The following UFSP2 variants were observed in gnomAD, a reference collection of about 807,000 sequenced individuals.
UFSP2 encodes ufm1-specific protease 2.
A neutral mutation model predicts 60.2 loss-of-function variants in UFSP2; 43 were observed. The ratio of observed to expected loss-of-function variants is 0.71; its 90% CI spans 0.56 to 0.92. The LOEUF (loss-of-function observed/expected upper bound fraction) is 0.92. Among genes scored for constraint, UFSP2 ranks in the 40% least tolerant of loss-of-function variants. The pLI, the probability that UFSP2 is intolerant of heterozygous loss-of-function variation, is 0.00. For missense variants in UFSP2, 520 were observed against 575.0 expected (o/e 0.90, Z 0.98); for synonymous variants, 183 against 195.1 (o/e 0.94, Z 0.52).
At chr4:185,404,915 C>T (rs1257700452) in intron 10 of UFSP2, among the ~76,000 whole-genome samples, 1 of 151,834 alleles carries the variant, frequency 6.6e-6, no homozygotes, top group East Asian at 1.9e-4. Context: ...TAAGCTCATA[C>T]AATCAGGAGT....
intron 2 of UFSP2, among the ~76,000 whole-genome samples, chr4:185,419,274 GGTGCCCGCCACCAC>G (rs1254955569): frequency 1.3e-5 from 2 of 152,148 alleles, no homozygotes; most frequent in Admixed American, 1.3e-4. Context: ...TGGGACTACA[GGTGCCCGCCACCAC>G]ACCTGGCTAA....
intron 1 of UFSP2, among the ~76,000 whole-genome samples, chr4:185,424,067 G>A (rs2095554427): frequency 6.6e-6 from 1 of 151,690 alleles, no homozygotes; most frequent in Non-Finnish European, 1.5e-5. Flanking sequence ...TTGGGAGGCA[G>A]AGGCAGGAGG....
intron 4 of UFSP2, 48 bp downstream of exon 4, chr4:185,418,393 C>CA (rs2095543125): frequency 6.9e-7 from 1 of 1,439,778 alleles, no homozygotes; most frequent in Non-Finnish European, 9.6e-7. Flanking sequence ...GTTCCAAATC[C>CA]AAAGATTTAA....
intron 8 of UFSP2, 64 bp downstream of exon 8, chr4:185,408,207 A>C: frequency 7.6e-6 from 12 of 1,568,904 alleles, no homozygotes; most frequent in Non-Finnish European, 1.0e-5. Flanking sequence ...AAAAATTATC[A>C]ATGGTATATT....
chr4:185,406,448 A>AT (rs1247751879), intron 9 of UFSP2, among the ~76,000 whole-genome samples: 4 of 152,138 alleles, frequency 2.6e-5, no homozygotes, highest in East Asian at 1.9e-4. Flanking sequence ...GAAGGGAGGT[A>AT]TTTTTTGGGG....
chr4:185,406,079 C>T (rs11941135), intron 9 of UFSP2: 3 of 908,802 alleles, frequency 3.3e-6, no homozygotes, highest in Admixed American at 2.4e-5. Context: ...CTAGATAAGA[C>T]GCTAAAAGAC....
At chr4:185,412,096 C>G (rs1433275144) in intron 7 of UFSP2, among the ~76,000 whole-genome samples, 1 of 151,036 alleles carries the variant, frequency 6.6e-6, no homozygotes, top group Admixed American at 6.6e-5. Flanking sequence ...TAGGGAGGAG[C>G]TCCCTGGTAT....
At chr4:185,408,133 C>G in intron 8 of UFSP2, 73 bp from the exon 9 acceptor site, 2 of 1,562,202 alleles carry the variant, frequency 1.3e-6, no homozygotes, top group Non-Finnish European at 1.8e-6. Context: ...GGCATTTTCC[C>G]TGATTACCAG....
At chr4:185,404,440 C>T (rs541594033) in intron 10 of UFSP2, among the ~76,000 whole-genome samples, 16 of 151,594 alleles carry the variant, frequency 1.1e-4, no homozygotes, top group South Asian at 2.1e-4. Flanking sequence ...AGACTACAGG[C>T]GCACACCAGC....
At chr4:185,407,664 ATTT>A (rs900008550) in intron 9 of UFSP2, among the ~76,000 whole-genome samples, 1 of 152,134 alleles carries the variant, frequency 6.6e-6, no homozygotes, top group African/African-American at 2.4e-5. Context: ...ACGTTAATAT[ATTT>A]TTAAGTTTTC....
intron 7 of UFSP2, among the ~76,000 whole-genome samples, chr4:185,410,066 A>G (rs1438656773): frequency 6.6e-6 from 1 of 152,230 alleles, no homozygotes; most frequent in East Asian, 1.9e-4. Flanking sequence ...GGGAACAAAT[A>G]CAAGTTTCAA....
In UFSP2 at chr4:185,425,878, G is replaced by A. The variant is rs749113270; in HGVS notation, c.-10C>T. ...CAGAGATACTCACCATGTCCGCGAC[G>A]TGGCGGTGACACGGGCGCTGACGCC... is the stretch of plus-strand genomic sequence containing the variant. On this transcript the variant is annotated 5_prime_UTR_variant, in exon 1 of 12. It adds an upstream start codon to the 5' untranslated region. Transcript: ENST00000264689. The A allele has an allele frequency of 4.4e-6, 7 of 1,602,200 alleles. No homozygotes were observed. In the African/African-American group the frequency reaches 8.0e-5, roughly 18 times the overall value.
Position 185,415,248 on chromosome 4 carries a change from T to C in UFSP2, c.591A>G (p.Glu197=). The change falls in exon 6 of 12, where the codon GAA becomes GAG. Residue 197 remains glutamate, a synonymous_variant. Transcript: ENST00000264689. ...YMKGTSIVVP[E]PLHFLLPGKK... ...TCCCTGGTAATAAAAAGTGCAGTGG[T>C]TCAGGGACCACAATAGATGTTCCTT... 1 of 1,604,942 alleles carries C rather than the reference T, an allele frequency of 6.2e-7. No homozygotes were observed.
chr4:185,422,674 C>A, intron 1 of UFSP2, 111 bp from the exon 2 acceptor site: 13 of 710,762 alleles, frequency 1.8e-5, no homozygotes, highest in East Asian at 3.2e-5. Flanking sequence ...CTTGATTCTT[C>A]AAATTATTTC....
chr4:185,415,894 C>T, intron 4 of UFSP2, 27 bp from the exon 5 acceptor site: 3 of 1,559,020 alleles, frequency 1.9e-6, no homozygotes, highest in Non-Finnish European at 2.6e-6. Flanking sequence ...TAATAGTCAA[C>T]TTGTAGTGCA....
rs796052130 is a variant in UFSP2, at chr4:185,408,399, A to C, written c.868T>G (p.Tyr290Asp). 1 of 1,614,184 alleles carries C rather than the reference A, an allele frequency of 6.2e-7. No individual in the cohort carries two copies. The highest frequency in any genetic ancestry group is 1.1e-5 in the South Asian group (1 of 91,084). The change falls in exon 8 of 12, where the codon TAT (tyrosine) becomes GAT (aspartate). Residue 290 changes from tyrosine to aspartate, a missense_variant. Physicochemically the swap from Tyr to Asp is radical, Grantham distance 160. Coordinates refer to ENST00000264689, the MANE Select transcript of UFSP2 (RefSeq NM_018359.5). ...VVQGIYGYHH[Y>D]MQDRIDDNGW... ...TTGTCATCTATGCGATCCTGCATAT[A>C]ATGATGATAGCCATATATGCCCTGG...
Position 185,414,456 on chromosome 4 carries a change from A to G in UFSP2, c.685-584T>C, listed in dbSNP as rs77244048. 5.8e-3 allele frequency among the ~76,000 whole-genome samples: 889 copies of G among 152,290 alleles called. 5 individuals carry two copies. The highest frequency in any genetic ancestry group is 0.02 in the African/African-American group (835 of 41,562). On this transcript the variant is annotated intron_variant, in intron 6 of 11. Coordinates refer to ENST00000264689, the MANE Select transcript of UFSP2 (RefSeq NM_018359.5). ...TAAAAAGTTTGACATGTTCTTTATC[A>G]TATCTTGTACTCCAGTGGTTTTAAA...
intron 2 of UFSP2, among the ~76,000 whole-genome samples, chr4:185,422,201 C>G (rs376004548): frequency 6.6e-6 from 1 of 152,204 alleles, no homozygotes; most frequent in Non-Finnish European, 1.5e-5. Context: ...ACATTTACAA[C>G]GTGCTCATTG....
chr4:185,417,011 T>G (rs1355021311), intron 4 of UFSP2, among the ~76,000 whole-genome samples: 2 of 152,178 alleles, frequency 1.3e-5, no homozygotes, highest in African/African-American at 4.8e-5. Flanking sequence ...ACATATGTAG[T>G]TTCTTCCCAC....
Sources: gnomAD v4.1 joint callset for allele counts (sites outside exome capture counted in the v4.1 genomes callset) on GRCh38, gnomAD v4.1.1 for gene constraint, MANE v1.5 for transcripts, NCBI Gene and HGNC (gene_info 2026-07-23, HGNC 2026-07-21) for gene names.